Variants in LRRFIP1 observed in about 807,000 individuals in gnomAD.
LRRFIP1 encodes the protein LRR binding FLII interacting protein 1.
In LRRFIP1, 62 loss-of-function variants were observed where a neutral mutation model predicts 104.4. The observed-to-expected ratio is 0.59, with a 90% CI of 0.48 to 0.73. The LOEUF is 0.73. Ranked by LOEUF, LRRFIP1 falls within the 30% of genes least tolerant of loss-of-function variation. The pLI is 0.00. For missense variants in LRRFIP1, 796 were observed against 824.5 expected, an observed-to-expected ratio of 0.97 and a Z score of 0.42; for synonymous variants, 300 against 299.0, an observed-to-expected ratio of 1.00 and a Z score of -0.03.
rs1172576547 is a variant in LRRFIP1 at position 237,681,678 on chromosome 2, C to CTTTTTTTTTTTT, written c.97-26858_97-26847dup. 9.1e-4 allele frequency among the ~76,000 whole-genome samples: 41 copies of CTTTTTTTTTTTT among 44,894 alleles called. 9 individuals carry two copies. Among genetic ancestry groups the CTTTTTTTTTTTT allele is most frequent in the African/African-American group, 2.6e-3 (35 of 13,488 alleles). The allele number at this position is 44,894 out of a possible 152,430, so 29.5% of individuals were successfully genotyped here. On this transcript the variant is annotated intron_variant, in intron 1 of 23. Coordinates refer to ENST00000308482, the MANE Select transcript of LRRFIP1 (RefSeq NM_001137550.2). ...CACCGTGCCCGGCCGCAGTCCTATT[C>CTTTTTTTTTTTT]TTTTTTTTTTTTTTTTTTTGAGACG...
chr2:237,756,260 G>A (rs1238643908), intron 16 of LRRFIP1, 73 bp downstream of exon 16: 64 of 1,095,126 alleles, frequency 5.8e-5, no homozygotes, highest in Non-Finnish European at 2.2e-5. Flanking sequence ...GACTATCTTA[G>A]CTTAGGCTGC....
At chr2:237,647,174 G>T (rs1237689041) in intron 1 of LRRFIP1, among the ~76,000 whole-genome samples, 1 of 151,968 alleles carries the variant, frequency 6.6e-6, no homozygotes, top group African/African-American at 2.4e-5. Context: ...GATAGGCCAA[G>T]TCTGATGCTG....
At chr2:237,650,078 C>CTCTGTAACA (rs1474759255) in intron 1 of LRRFIP1, among the ~76,000 whole-genome samples, 1 of 151,998 alleles carries the variant, frequency 6.6e-6, no homozygotes, top group African/African-American at 2.4e-5. Flanking sequence ...GAGCAGACAG[C>CTCTGTAACA]TCTGTAACAT....
chr2:237,761,954 C>A (rs1162772661), intron 19 of LRRFIP1, among the ~76,000 whole-genome samples: 1 of 152,182 alleles, frequency 6.6e-6, no homozygotes, highest in African/African-American at 2.4e-5. Flanking sequence ...CCTGCTGGTC[C>A]TCTCTCCCTA....
chr2:237,736,779 G>T (rs1451383780), intron 10 of LRRFIP1, among the ~76,000 whole-genome samples: 1 of 152,220 alleles, frequency 6.6e-6, no homozygotes, highest in East Asian at 1.9e-4. Context: ...GGTCAGCTCT[G>T]CTGTGAGCAG....
At chr2:237,664,623 C>G (rs2088830094) in intron 1 of LRRFIP1, among the ~76,000 whole-genome samples, 1 of 152,202 alleles carries the variant, frequency 6.6e-6, no homozygotes, top group African/African-American at 2.4e-5. Flanking sequence ...TTGAACTTCT[C>G]TGTGAGTTTT....
chr2:237,734,747 C>T (rs1375527807), intron 9 of LRRFIP1, among the ~76,000 whole-genome samples: 1 of 152,188 alleles, frequency 6.6e-6, no homozygotes, highest in Non-Finnish European at 1.5e-5. Context: ...CTCCTGTTTA[C>T]CCACGTTGAT....
In LRRFIP1 at chr2:237,720,766, T is replaced by A; in HGVS notation, c.295-6T>A. ...TCACGGTTGTTCTCGTCCTTTCTTT[T>A]AATAGGCTTCTGATGAAGACGAGCG... On this transcript the variant is annotated splice_region_variant and splice_polypyrimidine_tract_variant and intron_variant, in intron 5 of 23. Coordinates refer to ENST00000308482, the MANE Select transcript of LRRFIP1 (RefSeq NM_001137550.2). The A allele has an allele frequency of 1.2e-6, 2 of 1,613,792 alleles. No homozygotes were observed. The highest frequency in any genetic ancestry group is 2.2e-5 in the South Asian group (2 of 91,080).
At chr2:237,681,012 AAAAC>A (rs1164764756) in intron 1 of LRRFIP1, among the ~76,000 whole-genome samples, 3 of 152,296 alleles carry the variant, frequency 2.0e-5, no homozygotes, top group African/African-American at 4.8e-5. Flanking sequence ...AAAAAGAAAA[AAAAC>A]AAATAGACTC....
intron 14 of LRRFIP1, 47 bp downstream of exon 14, chr2:237,751,318 C>A (rs2150663581): frequency 2.9e-6 from 4 of 1,370,190 alleles, no homozygotes; most frequent in Non-Finnish European, 4.0e-6. Context: ...CCCAACTTAA[C>A]TTAAAAAAAA....
chr2:237,778,969 A>G (rs943062600), intron 23 of LRRFIP1, among the ~76,000 whole-genome samples: 3 of 151,948 alleles, frequency 2.0e-5, no homozygotes, highest in Non-Finnish European at 4.4e-5. Context: ...CATGCCTGTA[A>G]TCCCAGCACT....
intron 21 of LRRFIP1, 182 bp from the exon 22 acceptor site, chr2:237,772,684 C>T (rs1370708122): frequency 2.3e-5 from 14 of 599,820 alleles, no homozygotes; most frequent in Non-Finnish European, 3.5e-5. Flanking sequence ...GGCACTTTCC[C>T]TGGGTTCATG....
chr2:237,640,629 C>G (rs769552040), intron 1 of LRRFIP1, among the ~76,000 whole-genome samples: 6 of 152,030 alleles, frequency 3.9e-5, no homozygotes, highest in African/African-American at 1.5e-4. Flanking sequence ...GGATTAAAAC[C>G]GTCCCCATAT....
chr2:237,636,247 T>G (rs552735087), intron 1 of LRRFIP1, among the ~76,000 whole-genome samples: 2 of 151,952 alleles, frequency 1.3e-5, no homozygotes, highest in East Asian at 3.9e-4. Flanking sequence ...TCTGGGAAAT[T>G]TTCTTGAATT....
intron 1 of LRRFIP1, among the ~76,000 whole-genome samples, chr2:237,676,453 A>G (rs2149593813): frequency 6.6e-6 from 1 of 152,160 alleles, no homozygotes; most frequent in East Asian, 1.9e-4. Flanking sequence ...ATTTTCATGA[A>G]TTGCAAATGT....
At position 237,703,857 on chromosome 2, in the gene LRRFIP1, G is replaced by A. The variant is rs1234839427; in HGVS notation, c.97-4687G>A. 2.6e-5 allele frequency among the ~76,000 whole-genome samples: 4 copies of A among 152,084 alleles called. No homozygotes were observed. The highest frequency in any genetic ancestry group is 6.5e-5 in the Admixed American group (1 of 15,270). ...CATTCCTGTGGCCTCCCCGGGCCAC[G>A]GTCAGCCCACAGGCTACTCACAGAA... On this transcript the variant is annotated intron_variant, in intron 1 of 23. Coordinates refer to ENST00000308482, the MANE Select transcript of LRRFIP1 (RefSeq NM_001137550.2). This position sits in a 1 kb window ranked among gnomAD's most constrained non-coding sequence, Gnocchi z 4.3.
At chr2:237,654,240 A>C (rs575515027) in intron 1 of LRRFIP1, among the ~76,000 whole-genome samples, 1 of 152,262 alleles carries the variant, frequency 6.6e-6, no homozygotes, top group African/African-American at 2.4e-5. Context: ...ACAAATGGCC[A>C]ATAGATACGT....
chr2:237,673,331 C>T (rs1213264241), intron 1 of LRRFIP1, among the ~76,000 whole-genome samples: 2 of 152,210 alleles, frequency 1.3e-5, no homozygotes, highest in Admixed American at 1.3e-4. Context: ...AGGGCCTCGC[C>T]AGGAAGCCAT....
intron 19 of LRRFIP1, chr2:237,763,728 C>G: frequency 6.2e-7 from 1 of 1,614,220 alleles, no homozygotes; most frequent in Non-Finnish European, 8.5e-7. Context: ...GAGGTACTAG[C>G]TGATGGAGAC....
Sources: allele counts gnomAD v4.1 joint callset (sites outside exome capture counted in the v4.1 genomes callset), GRCh38; gene constraint gnomAD v4.1.1; non-coding constraint Gnocchi (gnomAD v3.1); transcripts MANE v1.5; gene names NCBI Gene and HGNC (gene_info 2026-07-23, HGNC 2026-07-21).